Variants in TDRD9 observed in about 807,000 individuals in gnomAD.
TDRD9 encodes tudor domain containing 9.
Under a neutral mutation model 172.6 loss-of-function variants are expected in TDRD9, and 124 were observed. That is an observed-to-expected ratio of 0.72 (90% CI 0.62 to 0.83). The LOEUF (loss-of-function observed/expected upper bound fraction) is 0.83. Ranked by LOEUF, TDRD9 falls within the 40% of genes least tolerant of loss-of-function variation. The pLI is 0.00. For synonymous variants in TDRD9, 619 were observed against 617.1 expected (o/e 1.00, Z -0.05); for missense variants, 1,479 against 1,714.1 (o/e 0.86, Z 2.42).
intron 1 of TDRD9, among the ~76,000 whole-genome samples, chr14:103,950,090 C>CTTTTTTTTTTT (rs58379140): frequency 3.7e-5 from 4 of 108,458 alleles, no homozygotes; most frequent in Admixed American, 1.2e-4. Flanking sequence ...TCCTTCCTTC[C>CTTTTTTTTTTT]TTTTTTTTTT....
At chr14:103,945,818 A>G (rs531345845) in intron 1 of TDRD9, among the ~76,000 whole-genome samples, 4 of 152,338 alleles carry the variant, frequency 2.6e-5, no homozygotes, top group Non-Finnish European at 4.4e-5. Flanking sequence ...AAAGTTTAGA[A>G]AGACAAAATT....
chr14:104,005,519 C>G, intron 15 of TDRD9, 114 bp downstream of exon 15: 1 of 1,170,342 alleles, frequency 8.5e-7, no homozygotes, highest in Non-Finnish European at 1.2e-6. Context: ...CCTCACTTTC[C>G]CGCTAACTCT....
chr14:103,945,290 A>G (rs558906688), intron 1 of TDRD9: 2 of 152,306 alleles, frequency 1.3e-5, no homozygotes, highest in South Asian at 2.1e-4. Context: ...AACCATTACC[A>G]AAGACCTTTT....
chr14:103,984,727 A>T (rs976079342), intron 7 of TDRD9, among the ~76,000 whole-genome samples: 5 of 152,118 alleles, frequency 3.3e-5, no homozygotes, highest in African/African-American at 1.2e-4. Context: ...CACCTAATGG[A>T]GCTGTGAGAA....
chr14:103,991,344 T>C (rs1173459660), intron 9 of TDRD9, 120 bp downstream of exon 9: 3 of 1,011,226 alleles, frequency 3.0e-6, no homozygotes, highest in Admixed American at 2.6e-5. Flanking sequence ...TTTTACACTT[T>C]GAGTATGTGA....
chr14:104,020,848 A>G (rs1321608758), intron 23 of TDRD9, among the ~76,000 whole-genome samples: 1 of 152,058 alleles, frequency 6.6e-6, no homozygotes, highest in African/African-American at 2.4e-5. Flanking sequence ...GGTAAACTTG[A>G]TGCTGTCTTC....
Position 103,998,938 on chromosome 14 carries a change from G to A in TDRD9, c.1483+210G>A, listed in dbSNP as rs371645131. On this transcript the variant is annotated intron_variant, in intron 13 of 35. Transcript: ENST00000409874. ...CTCCCGAGTTGCTGGGACTACAGGCGCCTGCCACCACGCCTGGCTAATTTT... is the reference window on the plus strand; with the variant it reads ...CTCCCGAGTTGCTGGGACTACAGGCACCTGCCACCACGCCTGGCTAATTTT... Among the ~76,000 whole-genome samples, 13 of 152,140 alleles carry A rather than the reference G, an allele frequency of 8.5e-5. No homozygotes were observed. The East Asian group carries it at 1.2e-3, about 14-fold the overall frequency.
rs540676889 is a variant in TDRD9, at chr14:104,004,068, T to C, written c.1484-170T>C. Among the ~76,000 whole-genome samples, 12 of 152,358 alleles carry C rather than the reference T, an allele frequency of 7.9e-5. No homozygotes were observed. In the South Asian group the frequency reaches 2.5e-3, roughly 32 times the overall value. On this transcript the variant is annotated intron_variant, in intron 13 of 35. Coordinates refer to ENST00000409874, the MANE Select transcript of TDRD9 (RefSeq NM_153046.3). ...TTATTTAGAATAATGTTTAAAATAA[T>C]AACTTATTAAGAATACACTAATGTA...
chr14:103,938,400 GTGTGTGTGTGTGTGTATA>G (rs1308220032), intron 1 of TDRD9, among the ~76,000 whole-genome samples: 1 of 32,886 alleles, frequency 3.0e-5, no homozygotes, highest in African/African-American at 1.1e-4. Flanking sequence ...GTGTGTGTGT[GTGTGTGTGTGTGTGTATA>G]TATATATATA....
At chr14:104,041,787 A>G (rs2035618010) in intron 33 of TDRD9, among the ~76,000 whole-genome samples, 2 of 152,206 alleles carry the variant, frequency 1.3e-5, no homozygotes, top group African/African-American at 4.8e-5. Flanking sequence ...TTTCATATGA[A>G]GTTAAGCCTG....
At position 103,975,516 on chromosome 14, in the gene TDRD9, A is replaced by G. The variant is rs745657639; in HGVS notation, c.974A>G (p.Tyr325Cys). Residue 325 changes from tyrosine (Y) to cysteine (C), a missense_variant, in exon 7 of 36, where the codon TAT becomes TGT. This residue lies in a region of TDRD9 where 1,413 missense variants were observed against 1,649.1 expected (regional missense o/e 0.86). Coordinates refer to ENST00000409874, the MANE Select transcript of TDRD9 (RefSeq NM_153046.3). ...GGCAAGCCCCATTCAGTTGAAGAGT[A>G]TTATCTTAATGATTTGGAGCACATT... ...VEGKPHSVEE[Y>C]YLNDLEHIHH... 3 of 1,612,356 alleles carry G rather than the reference A, an allele frequency of 1.9e-6. No individual in the cohort carries two copies. The highest frequency in any genetic ancestry group is 2.5e-6 in the Non-Finnish European group (3 of 1,179,100).
intron 32 of TDRD9, among the ~76,000 whole-genome samples, chr14:104,036,696 G>A (rs11160780): frequency 0.33 from 50,325 of 152,068 alleles, 8,507 homozygotes; most frequent in Middle Eastern, 0.37. Context: ...GACATACTTG[G>A]TATTTAAAAC....
At chr14:103,985,469 A>G (rs2033627246) in intron 7 of TDRD9, among the ~76,000 whole-genome samples, 1 of 152,214 alleles carries the variant, frequency 6.6e-6, no homozygotes. Context: ...CTGTAAGTCC[A>G]GTAAACCTCT....
In TDRD9 at chr14:103,931,897, G is replaced by A. The variant is rs182946139; in HGVS notation, c.215+3173G>A. Among the ~76,000 whole-genome samples, 8 of 152,334 alleles carry A rather than the reference G, an allele frequency of 5.3e-5. No homozygotes were observed. In the East Asian group the frequency reaches 9.6e-4, roughly 18 times the overall value. Reference sequence around the variant, plus strand: ...ATTGCTCGGAGGGGCCACATGGAAAGCATGAGAATGGAATATGGGCAGCTA... The same window carrying A: ...ATTGCTCGGAGGGGCCACATGGAAAACATGAGAATGGAATATGGGCAGCTA... On this transcript the variant is annotated intron_variant, in intron 1 of 35. Coordinates refer to ENST00000409874, the MANE Select transcript of TDRD9 (RefSeq NM_153046.3).
At chr14:104,027,959 C>T (rs910408152) in intron 28 of TDRD9, among the ~76,000 whole-genome samples, 1 of 152,128 alleles carries the variant, frequency 6.6e-6, no homozygotes, top group Non-Finnish European at 1.5e-5. Context: ...ATTTATATTT[C>T]TGTGCCTGAC....
In TDRD9 at chr14:104,030,850, G is replaced by C. The variant is rs1036909437; in HGVS notation, c.3283-258G>C. On this transcript the variant is annotated intron_variant, in intron 28 of 35. Coordinates refer to ENST00000409874, the MANE Select transcript of TDRD9 (RefSeq NM_153046.3). Reference sequence around the variant, plus strand: ...TTGTGGGGTGAGGGGAGAGGGGAGGGATAGCATCAGGAGATATACCTAATG... The same window carrying C: ...TTGTGGGGTGAGGGGAGAGGGGAGGCATAGCATCAGGAGATATACCTAATG... 5.3e-5 allele frequency among the ~76,000 whole-genome samples: 8 copies of C among 152,230 alleles called. No homozygotes were observed. In the East Asian group the frequency reaches 1.5e-3, roughly 29 times the overall value.
intron 1 of TDRD9, chr14:103,941,232 AT>A: frequency 1.0e-5 from 10 of 969,264 alleles, no homozygotes; most frequent in Non-Finnish European, 1.5e-5. Flanking sequence ...TTGTTTTAAA[AT>A]TATGCTTCTA....
chr14:103,996,622 C>T lies in TDRD9; in HGVS notation c.1378+815C>T, dbSNP rs376386573. ...AACGGGTTTGAGGAGCAGCACACGG[C>T]CAGTGTGGCTGGAATGGGTAAACCA... On this transcript the variant is annotated intron_variant, in intron 12 of 35. Transcript: ENST00000409874. Among the ~76,000 whole-genome samples the T allele has an allele frequency of 4.6e-5, 7 of 152,178 alleles. No homozygotes were observed. The East Asian group carries it at 1.4e-3, about 29-fold the overall frequency.
chr14:103,975,440 G>A lies in TDRD9; in HGVS notation c.898G>A (p.Ala300Thr). 1 of 1,613,888 alleles carries A rather than the reference G, an allele frequency of 6.2e-7. No individual in the cohort carries two copies. Among genetic ancestry groups the A allele is most frequent in the Non-Finnish European group, 8.5e-7 (1 of 1,179,856 alleles). The stretch of plus-strand genomic sequence containing the variant: ...CTGTAAAGAGTTTGCAGACTACTTT[G>A]CTGTTCCTGTTCAAAACAAGATGAA... ...ISCKEFADYFAVPVQNKMNPA... is the reference protein window; with the variant it reads ...ISCKEFADYFTVPVQNKMNPA... Residue 300 changes from alanine (A) to threonine (T), a missense_variant, in exon 7 of 36, where the codon GCT (alanine) becomes ACT (threonine). By Grantham distance (58) the Ala-to-Thr change is moderately conservative. This residue lies in a region of TDRD9 where 1,413 missense variants were observed against 1,649.1 expected (regional missense o/e 0.86). Transcript: ENST00000409874.
Sources: gnomAD v4.1 joint callset for allele counts (sites outside exome capture counted in the v4.1 genomes callset) on GRCh38, gnomAD v4.1.1 for gene constraint, gnomAD v4.1.1 regional missense constraint, MANE v1.5 for transcripts, NCBI Gene and HGNC (gene_info 2026-07-23, HGNC 2026-07-21) for gene names.